CATSPERB: variants seen among roughly 807,000 people sequenced by gnomAD.
CATSPERB encodes the protein cation channel sperm-associated auxiliary subunit beta.
In CATSPERB, 93 loss-of-function variants were observed where a neutral mutation model predicts 128.3. The observed-to-expected ratio is 0.72, with a 90% CI of 0.61 to 0.86. The LOEUF (loss-of-function observed/expected upper bound fraction) is 0.86, where lower values mean the gene tolerates loss of function less well. Ranked by LOEUF, CATSPERB falls within the 40% of genes least tolerant of loss-of-function variation. The pLI, the probability that CATSPERB is intolerant of heterozygous loss-of-function variation, is 0.00. For synonymous variants in CATSPERB, 381 were observed against 448.8 expected (o/e 0.85, Z 1.91); for missense variants, 1,153 against 1,329.5 (o/e 0.87, Z 2.06).
intron 22 of CATSPERB, among the ~76,000 whole-genome samples, chr14:91,597,144 C>T (rs1893521645): frequency 6.6e-6 from 1 of 152,058 alleles, no homozygotes. Context: ...CCTGCCTCAG[C>T]CTCCCAAAGT....
intron 10 of CATSPERB, among the ~76,000 whole-genome samples, chr14:91,689,254 C>T (rs968366142): frequency 1.3e-5 from 2 of 152,188 alleles, no homozygotes; most frequent in African/African-American, 4.8e-5. Context: ...CAGCCAAACT[C>T]CCTCCAGAAT....
At chr14:91,609,277 G>A (rs1490123047) in intron 21 of CATSPERB, among the ~76,000 whole-genome samples, 3 of 152,012 alleles carry the variant, frequency 2.0e-5, no homozygotes, top group Non-Finnish European at 4.4e-5. Context: ...GGAACCCATG[G>A]TGTTATTTAA....
intron 15 of CATSPERB, among the ~76,000 whole-genome samples, chr14:91,651,152 T>C (rs372713207): frequency 6.6e-6 from 1 of 152,214 alleles, no homozygotes; most frequent in East Asian, 1.9e-4. Context: ...TGACTCCTGA[T>C]TGGGCTTGGC....
chr14:91,583,128 T>C (rs1893235240), intron 26 of CATSPERB, among the ~76,000 whole-genome samples: 1 of 152,166 alleles, frequency 6.6e-6, no homozygotes, highest in Non-Finnish European at 1.5e-5. Context: ...ATGTAAAAAT[T>C]TCACTTGTGG....
chr14:91,703,675 T>C (rs1895688707), intron 7 of CATSPERB, among the ~76,000 whole-genome samples: 1 of 152,234 alleles, frequency 6.6e-6, no homozygotes, highest in African/African-American at 2.4e-5. Context: ...CACATCTACA[T>C]ACCAGGGGTG....
chr14:91,609,459 C>A (rs1051555478), intron 21 of CATSPERB, among the ~76,000 whole-genome samples: 2 of 152,100 alleles, frequency 1.3e-5, no homozygotes, highest in Non-Finnish European at 2.9e-5. Context: ...CACCAGAAGG[C>A]GGCTACAAAA....
chr14:91,672,920 T>C lies in CATSPERB; in HGVS notation c.1075A>G (p.Thr359Ala), dbSNP rs1276714450. 25 of 1,601,370 alleles carry C rather than the reference T, an allele frequency of 1.6e-5. No homozygotes were observed. Among genetic ancestry groups the C allele is most frequent in the Non-Finnish European group, 1.8e-5 (21 of 1,177,372 alleles). The change falls in exon 13 of 27, where the codon ACA (threonine) becomes GCA (alanine). Residue 359 changes from threonine (T) to alanine (A), a missense_variant. Thr to Ala is a moderately conservative substitution (Grantham distance 58, BLOSUM62 0). Coordinates refer to ENST00000256343, the MANE Select transcript of CATSPERB (RefSeq NM_024764.4). ...CCACGCTCTTGGTCAACAAGAAATG[T>C]TAGCACAGTTGGAAAAATTTTTATT... ...KGIKIFPTVLTFLVDQERGTG... is the reference protein window; with the variant it reads ...KGIKIFPTVLAFLVDQERGTG...
At chr14:91,695,017 G>C (rs1251021342) in intron 7 of CATSPERB, among the ~76,000 whole-genome samples, 1 of 152,152 alleles carries the variant, frequency 6.6e-6, no homozygotes, top group East Asian at 1.9e-4. Context: ...TTTAAGGAAA[G>C]CTGTAGAAGG....
intron 21 of CATSPERB, 137 bp from the exon 22 acceptor site, chr14:91,608,541 C>T: frequency 1.6e-6 from 1 of 615,970 alleles, no homozygotes; most frequent in Non-Finnish European, 2.9e-6. Context: ...TTTATCTCCC[C>T]CAACTTTTCT....
intron 22 of CATSPERB, among the ~76,000 whole-genome samples, chr14:91,607,089 G>T (rs527767956): frequency 0.034 from 4,024 of 119,864 alleles, 450 homozygotes; most frequent in African/African-American, 0.1. Flanking sequence ...GTGGGCGGGG[G>T]GGGGGGGGGC....
intron 13 of CATSPERB, among the ~76,000 whole-genome samples, chr14:91,671,287 C>A (rs528985783): frequency 1.3e-5 from 2 of 152,216 alleles, no homozygotes; most frequent in East Asian, 3.9e-4. Flanking sequence ...ACTTTCATAT[C>A]TCCTGGCCAG....
chr14:91,655,897 T>A (rs999214229), intron 15 of CATSPERB, among the ~76,000 whole-genome samples: 2 of 152,064 alleles, frequency 1.3e-5, no homozygotes, highest in African/African-American at 4.8e-5. Flanking sequence ...AGGCATTTAA[T>A]AATGAAACTC....
At chr14:91,675,716 C>A (rs1197286790) in intron 11 of CATSPERB, among the ~76,000 whole-genome samples, 1 of 152,176 alleles carries the variant, frequency 6.6e-6, no homozygotes, top group African/African-American at 2.4e-5. Context: ...TTGCAACTTT[C>A]TTTCCTTCTT....
chr14:91,727,442 TTC>T (rs1215967955), intron 2 of CATSPERB, among the ~76,000 whole-genome samples: 2 of 152,232 alleles, frequency 1.3e-5, no homozygotes, highest in African/African-American at 4.8e-5. Flanking sequence ...ACGTTACTCA[TTC>T]TGTTTGTATA....
chr14:91,647,783 T>G (rs1259661037), intron 15 of CATSPERB, among the ~76,000 whole-genome samples: 6 of 152,202 alleles, frequency 3.9e-5, no homozygotes, highest in Admixed American at 6.5e-5. Flanking sequence ...TTATGGGAGC[T>G]ACAATTCAAG....
At chr14:91,680,769 T>C (rs915500504) in intron 11 of CATSPERB, among the ~76,000 whole-genome samples, 4 of 152,070 alleles carry the variant, frequency 2.6e-5, no homozygotes, top group Non-Finnish European at 5.9e-5. Flanking sequence ...AAAGAGGAAA[T>C]ATAAACCAAA....
intron 7 of CATSPERB, among the ~76,000 whole-genome samples, chr14:91,694,476 T>C (rs893124344): frequency 2.0e-5 from 3 of 146,680 alleles, no homozygotes; most frequent in Non-Finnish European, 3.0e-5. Flanking sequence ...AGAAATCTGT[T>C]GTGTGGATTT....
chr14:91,721,737 C>T (rs769598076), intron 4 of CATSPERB, among the ~76,000 whole-genome samples: 35 of 151,848 alleles, frequency 2.3e-4, no homozygotes, highest in Non-Finnish European at 4.3e-4. Context: ...GTAGTCCCAG[C>T]TACTCTGGAG....
intron 6 of CATSPERB, among the ~76,000 whole-genome samples, chr14:91,707,204 A>G (rs867036394): frequency 1.1e-4 from 17 of 152,316 alleles, no homozygotes; most frequent in Middle Eastern, 3.4e-3. Context: ...GTCTCCCTTT[A>G]GTTCCTCAAA....
Sources: allele counts gnomAD v4.1 joint callset (sites outside exome capture counted in the v4.1 genomes callset), GRCh38; gene constraint gnomAD v4.1.1; transcripts MANE v1.5; gene names NCBI Gene and HGNC (gene_info 2026-07-23, HGNC 2026-07-21).